HPSE2: variants seen among roughly 807,000 people sequenced by gnomAD.
HPSE2 encodes inactive heparanase-2.
A neutral mutation model predicts 60.5 loss-of-function variants in HPSE2; 38 were observed. The observed-to-expected ratio is 0.63, with a 90% CI of 0.48 to 0.82. The LOEUF (loss-of-function observed/expected upper bound fraction) is 0.82, where lower values mean the gene tolerates loss of function less well. Ranked by LOEUF, HPSE2 falls within the 40% of genes least tolerant of loss-of-function variation. The pLI is 0.00. For synonymous variants in HPSE2, 295 were observed against 293.2 expected (o/e 1.01, Z -0.06); for missense variants, 713 against 740.4 (o/e 0.96, Z 0.43).
chr10:98,909,975 A>G (rs1953934681), intron 3 of HPSE2, among the ~76,000 whole-genome samples: 1 of 152,226 alleles, frequency 6.6e-6, no homozygotes, highest in African/African-American at 2.4e-5. Context: ...CTTTCTCTGC[A>G]TGATTACTTA....
the HPSE2 span, among the ~76,000 whole-genome samples, chr10:99,274,032 G>T: frequency 6.6e-6 from 1 of 151,762 alleles, no homozygotes; most frequent in African/African-American, 2.4e-5. Context: ...TATAAGTAAA[G>T]AATAGCTACA....
intron 9 of HPSE2, among the ~76,000 whole-genome samples, chr10:98,598,871 C>G (rs1032054185): frequency 2.0e-5 from 3 of 151,786 alleles, no homozygotes; most frequent in African/African-American, 7.3e-5. Flanking sequence ...TACTGGCTGG[C>G]ACCTAGGGCT....
intron 3 of HPSE2, among the ~76,000 whole-genome samples, chr10:98,990,052 T>C (rs145338487): frequency 2.6e-5 from 4 of 152,246 alleles, no homozygotes; most frequent in Middle Eastern, 3.4e-3. Flanking sequence ...AAAAAAGTAA[T>C]GGGCAGGCCA....
intron 10 of HPSE2, among the ~76,000 whole-genome samples, chr10:98,489,213 T>A (rs1564914107): frequency 6.6e-6 from 1 of 152,128 alleles, no homozygotes; most frequent in Non-Finnish European, 1.5e-5. Flanking sequence ...AAACAGGAAG[T>A]GATGTAAGAA....
At position 98,620,629 on chromosome 10, in the gene HPSE2, A is replaced by G. The variant is rs1286468618; in HGVS notation, c.1178T>C (p.Leu393Pro). ...GAATCCTGCAGCATAGGAATCGGAT[A>G]GATTGTTTGTGCCTCCAGCTGAGGT... is the stretch of plus-strand genomic sequence containing the variant. ...VTTSAGGTNN[L>P]SDSYAAGFLW... Residue 393 changes from leucine to proline, a missense_variant, in exon 8 of 12, where the codon CTA (leucine) becomes CCA (proline). Physicochemically the swap from Leu to Pro is moderately conservative, Grantham distance 98. Transcript: ENST00000370552. The G allele has an allele frequency of 1.2e-6, 2 of 1,613,962 alleles. No individual in the cohort carries two copies. The highest frequency in any genetic ancestry group is 2.7e-5 in the African/African-American group (2 of 74,940).
intron 3 of HPSE2, among the ~76,000 whole-genome samples, chr10:98,790,031 GAAGT>G (rs1234397636): frequency 1.3e-5 from 2 of 152,040 alleles, no homozygotes; most frequent in Non-Finnish European, 2.9e-5. Context: ...GGTCAGGAGA[GAAGT>G]AAGTGGAATT....
chr10:98,576,792 A>G (rs772819613), intron 9 of HPSE2, among the ~76,000 whole-genome samples: 9 of 139,116 alleles, frequency 6.5e-5, no homozygotes, highest in Non-Finnish European at 1.1e-4. Context: ...CCCTGCTCTA[A>G]TCTCAGCCCT....
At chr10:99,112,532 G>A (rs756720272) in intron 3 of HPSE2, among the ~76,000 whole-genome samples, 52 of 151,810 alleles carry the variant, frequency 3.4e-4, no homozygotes, top group African/African-American at 9.2e-4. Flanking sequence ...CTCGTGATCC[G>A]TTTGCCTCGG....
chr10:99,148,670 A>G (rs1300852754), intron 2 of HPSE2, among the ~76,000 whole-genome samples: 4 of 152,060 alleles, frequency 2.6e-5, no homozygotes, highest in Middle Eastern at 3.2e-3. Flanking sequence ...CATGCCTGTA[A>G]TCCCAGCTAC....
intron 9 of HPSE2, among the ~76,000 whole-genome samples, chr10:98,494,717 T>G (rs1255975170): frequency 1.3e-5 from 2 of 152,232 alleles, no homozygotes; most frequent in Non-Finnish European, 2.9e-5. Context: ...TCTTGATACA[T>G]TGTGTGTCCC....
intron 3 of HPSE2, among the ~76,000 whole-genome samples, chr10:99,143,433 T>A (rs905085055): frequency 1.3e-5 from 2 of 152,226 alleles, no homozygotes; most frequent in African/African-American, 4.8e-5. Context: ...TCCATCTTTT[T>A]ATTTTTTTAA....
At chr10:98,732,459 A>T (rs1949250467) in intron 4 of HPSE2, among the ~76,000 whole-genome samples, 1 of 152,224 alleles carries the variant, frequency 6.6e-6, no homozygotes, top group African/African-American at 2.4e-5. Flanking sequence ...GAACAGAATT[A>T]AGAGTATAGA....
chr10:98,643,853 C>A (rs1424113086), intron 6 of HPSE2, among the ~76,000 whole-genome samples: 1 of 152,146 alleles, frequency 6.6e-6, no homozygotes, highest in Non-Finnish European at 1.5e-5. Flanking sequence ...ATATGGTGAC[C>A]AGGAATTTGA....
intron 9 of HPSE2, among the ~76,000 whole-genome samples, chr10:98,492,800 A>ATT (rs149582682): frequency 1.3e-5 from 2 of 151,424 alleles, no homozygotes; most frequent in African/African-American, 4.8e-5. Context: ...TTTTTTCCCA[A>ATT]TTTTTTTTTA....
chr10:98,483,600 C>CTCTGT (rs1941328840), intron 10 of HPSE2, among the ~76,000 whole-genome samples: 1 of 152,154 alleles, frequency 6.6e-6, no homozygotes, highest in Non-Finnish European at 1.5e-5. Flanking sequence ...TTTTTTCTTC[C>CTCTGT]TGCCCTACTA....
In HPSE2 at chr10:98,544,406, T is replaced by C. The variant is rs1189788486; in HGVS notation, c.1321-54210A>G. On this transcript the variant is annotated intron_variant, in intron 9 of 11. Transcript: ENST00000370552. ...AAGATCCAAAATCGACACCCTAACA[T>C]CCCAATTAAAAGAACTAGAGAAGGC... is the stretch of plus-strand genomic sequence containing the variant. Among the ~76,000 whole-genome samples, 4 of 151,832 alleles carry C rather than the reference T, an allele frequency of 2.6e-5. No homozygotes were observed. The South Asian group carries it at 6.3e-4, about 24-fold the overall frequency.
chr10:99,054,152 G>A (rs908725099), intron 3 of HPSE2, among the ~76,000 whole-genome samples: 24 of 152,110 alleles, frequency 1.6e-4, no homozygotes, highest in Non-Finnish European at 1.5e-4. Flanking sequence ...AGAAAAGGTG[G>A]CTATGAAGAG....
intron 3 of HPSE2, among the ~76,000 whole-genome samples, chr10:98,761,161 C>CA (rs1305084242): frequency 6.6e-6 from 1 of 151,968 alleles, no homozygotes; most frequent in African/African-American, 2.4e-5. Flanking sequence ...TGTAACATCC[C>CA]CTTTTTCCTT....
chr10:98,848,514 T>C (rs1376445326), intron 3 of HPSE2, among the ~76,000 whole-genome samples: 1 of 152,172 alleles, frequency 6.6e-6, no homozygotes, highest in African/African-American at 2.4e-5. Context: ...CATCTCTTAC[T>C]CTTAAGAAAC....
Sources: allele counts gnomAD v4.1 joint callset (sites outside exome capture counted in the v4.1 genomes callset), GRCh38; gene constraint gnomAD v4.1.1; transcripts MANE v1.5; gene names NCBI Gene and HGNC (gene_info 2026-07-23, HGNC 2026-07-21).